Variants in CARNMT1 observed in about 807,000 individuals in gnomAD.
CARNMT1 encodes the protein protein-L-histidine N-pros-methyltransferase CARNMT1.
A neutral mutation model predicts 49.6 loss-of-function variants in CARNMT1; 28 were observed. That is an observed-to-expected ratio of 0.56 (90% CI 0.42 to 0.77). CARNMT1 has a LOEUF of 0.77. Among genes scored for constraint, CARNMT1 ranks in the 30% least tolerant of loss-of-function variants. CARNMT1 has a pLI of 0.00. For synonymous variants in CARNMT1, 178 were observed against 175.0 expected, an observed-to-expected ratio of 1.02 and a Z score of -0.13; for missense variants, 421 against 512.6, an observed-to-expected ratio of 0.82 and a Z score of 1.73.
At position 75,016,419 on chromosome 9, in the gene CARNMT1, T is replaced by A. The variant is rs894189232; in HGVS notation, c.439A>T (p.Ile147Phe). The A allele has an allele frequency of 1.2e-6, 2 of 1,613,668 alleles. No individual in the cohort carries two copies. Among genetic ancestry groups the A allele is most frequent in the African/African-American group, 1.3e-5 (1 of 74,910 alleles). The stretch of plus-strand genomic sequence containing the variant: ...ATGTCAAATGTAGATGCTGGCATAA[T>A]CTTTCCATTCCCCTGTTTAAAAAAC... ...KEYGEDGNGK[I>F]MPASTFDMDK... Residue 147 changes from isoleucine (I) to phenylalanine (F), a missense_variant, in exon 3 of 8, where the codon ATT (isoleucine) becomes TTT (phenylalanine). Physicochemically the swap from Ile to Phe is conservative, Grantham distance 21. Transcript: ENST00000376834.
At chr9:74,996,730 T>C (rs1446972779) in intron 5 of CARNMT1, among the ~76,000 whole-genome samples, 170 bp from the exon 6 acceptor site, 3 of 152,190 alleles carry the variant, frequency 2.0e-5, no homozygotes, top group Non-Finnish European at 4.4e-5. Context: ...CAGTCATTTA[T>C]GGGAAATACT....
intron 1 of CARNMT1, 121 bp from the exon 2 acceptor site, chr9:75,017,569 T>C: frequency 1.3e-6 from 1 of 786,802 alleles, no homozygotes; most frequent in Non-Finnish European, 2.0e-6. Flanking sequence ...TCCTATCATT[T>C]ACAATCTCTT....
chr9:75,020,416 C>T (rs1157179608), intron 1 of CARNMT1, among the ~76,000 whole-genome samples: 23 of 151,604 alleles, frequency 1.5e-4, no homozygotes, highest in South Asian at 6.2e-4. Flanking sequence ...TACAGGTGCG[C>T]GCCACCATGC....
chr9:75,027,203 G>T, intron 1 of CARNMT1: 1 of 1,140,270 alleles, frequency 8.8e-7, no homozygotes, highest in Non-Finnish European at 1.2e-6. Flanking sequence ...TTATAATTTT[G>T]TGATTAAGCT....
At chr9:75,017,040 C>G in intron 2 of CARNMT1, 1 of 485,058 alleles carries the variant, frequency 2.1e-6, no homozygotes, top group East Asian at 3.2e-5. Context: ...AAAATCTCAA[C>G]AGTTATATTA....
intron 1 of CARNMT1, among the ~76,000 whole-genome samples, chr9:75,025,696 A>G (rs1027387099): frequency 2.0e-5 from 3 of 152,120 alleles, no homozygotes; most frequent in Admixed American, 2.0e-4. Context: ...TGTTTATTTC[A>G]AAAAATTTGT....
At chr9:75,005,005 A>G (rs1438575421) in intron 3 of CARNMT1, among the ~76,000 whole-genome samples, 1 of 152,184 alleles carries the variant, frequency 6.6e-6, no homozygotes, top group Non-Finnish European at 1.5e-5. Flanking sequence ...CTTACCTACT[A>G]TAAGCTTTAC....
intron 6 of CARNMT1, among the ~76,000 whole-genome samples, chr9:74,986,124 C>A (rs1832828998): frequency 1.3e-5 from 2 of 152,184 alleles, no homozygotes; most frequent in South Asian, 4.1e-4. Flanking sequence ...ATACCTCAGG[C>A]TAATCTAGAC....
upstream of CARNMT1, chr9:75,028,401 C>A (rs1285684875): frequency 3.1e-6 from 4 of 1,292,192 alleles, no homozygotes; most frequent in Admixed American, 4.3e-5. Context: ...CCGCGCTGGG[C>A]TCCGCCAGGT....
rs1833195896 is a variant in CARNMT1 at position 74,996,644 on chromosome 9, CTT to C, written c.911-86_911-85del. On this transcript the variant is annotated intron_variant, in intron 5 of 7. Transcript: ENST00000376834. ...TTAATTATTTAAATCTGCCAGTTACCTTTTACAGAGTATTAATATTTGACAGA... is the reference window on the plus strand; with the variant it reads ...TTAATTATTTAAATCTGCCAGTTACCTTACAGAGTATTAATATTTGACAGA... 8.2e-6 allele frequency: 6 copies of C among 727,412 alleles called. No homozygotes were observed. The East Asian group carries it at 1.6e-4, about 19-fold the overall frequency. 45.1% of individuals were successfully genotyped at this position (727,412 alleles called of 1,614,324 possible).
chr9:75,020,392 C>T (rs1000238880), intron 1 of CARNMT1, among the ~76,000 whole-genome samples: 2 of 151,358 alleles, frequency 1.3e-5, no homozygotes, highest in Admixed American at 6.6e-5. Flanking sequence ...CTCAGCCTCC[C>T]GAGTAGCTGG....
chr9:74,997,826 C>G (rs1833234740), intron 5 of CARNMT1, among the ~76,000 whole-genome samples: 1 of 151,870 alleles, frequency 6.6e-6, no homozygotes, highest in East Asian at 1.9e-4. Context: ...CTCACTTTCT[C>G]TATTGGAAGT....
At chr9:75,022,969 T>A (rs543326145) in intron 1 of CARNMT1, among the ~76,000 whole-genome samples, 1 of 151,786 alleles carries the variant, frequency 6.6e-6, no homozygotes, top group Non-Finnish European at 1.5e-5. Flanking sequence ...AGTGAAACCC[T>A]GTCTCTACTA....
rs1418669610 is a variant in CARNMT1, at chr9:75,017,311, A to T, written c.368T>A (p.Leu123Gln). 1.2e-6 allele frequency: 2 copies of T among 1,613,786 alleles called. No homozygotes were observed. Among genetic ancestry groups the T allele is most frequent in the African/African-American group, 1.3e-5 (1 of 74,950 alleles). ...TATGCAATCATTCACAATGGTCAGT[A>T]GTATTTCTTGATTATGATCAATGCA... is the stretch of plus-strand genomic sequence containing the variant. ...RKCIDHNQEILLTIVNDCIHM... is the reference protein window; with the variant it reads ...RKCIDHNQEIQLTIVNDCIHM... Residue 123 changes from leucine to glutamine, a missense_variant, in exon 2 of 8, where the codon CTA (leucine) becomes CAA (glutamine). Physicochemically the swap from Leu to Gln is moderately radical, Grantham distance 113. This residue lies in a region of CARNMT1 where 235 missense variants were observed against 344.8 expected (regional missense o/e 0.68). Coordinates refer to ENST00000376834, the MANE Select transcript of CARNMT1 (RefSeq NM_152420.3).
intron 3 of CARNMT1, among the ~76,000 whole-genome samples, chr9:75,004,041 A>G (rs1342358564): frequency 1.3e-5 from 2 of 152,140 alleles, no homozygotes; most frequent in Non-Finnish European, 2.9e-5. Flanking sequence ...ACACCCAGCT[A>G]ATTTTTGTAT....
chr9:75,011,437 T>C (rs1052016182), intron 3 of CARNMT1, among the ~76,000 whole-genome samples: 5 of 152,168 alleles, frequency 3.3e-5, no homozygotes, highest in Admixed American at 2.6e-4. Flanking sequence ...AGTAATCTTA[T>C]CACTGCAACT....
chr9:75,005,492 T>G (rs890376859), intron 3 of CARNMT1, among the ~76,000 whole-genome samples: 2 of 131,080 alleles, frequency 1.5e-5, no homozygotes, highest in Non-Finnish European at 3.4e-5. Flanking sequence ...TTTTTTTTTT[T>G]GAGACGGAGT....
At chr9:75,008,431 A>C (rs1385675223) in intron 3 of CARNMT1, among the ~76,000 whole-genome samples, 2 of 152,188 alleles carry the variant, frequency 1.3e-5, no homozygotes, top group Non-Finnish European at 2.9e-5. Flanking sequence ...TCCTGAGTTC[A>C]AGCAATTCTC....
chr9:74,996,493 A>G lies in CARNMT1; in HGVS notation c.978T>C (p.Asp326=), dbSNP rs1422580833. The G allele has an allele frequency of 3.1e-6, 5 of 1,608,322 alleles. No individual in the cohort carries two copies. In the South Asian group the frequency reaches 5.6e-5, roughly 18 times the overall value. ...CTGGCTTGAGTATTTTCCATATTGTATCAATATAATCAATTACATTGTGAG... is the reference window on the plus strand; with the variant it reads ...CTGGCTTGAGTATTTTCCATATTGTGTCAATATAATCAATTACATTGTGAG... ...DTAHNVIDYI[D]TIWKILKPGG... The change falls in exon 6 of 8, where the codon GAT becomes GAC. Residue 326 remains aspartate (D), a synonymous_variant. Transcript: ENST00000376834.
Sources: gnomAD v4.1 joint callset for allele counts (sites outside exome capture counted in the v4.1 genomes callset) on GRCh38, gnomAD v4.1.1 for gene constraint, gnomAD v4.1.1 regional missense constraint, MANE v1.5 for transcripts, NCBI Gene and HGNC (gene_info 2026-07-23, HGNC 2026-07-21) for gene names.